The following DAPK1 variants were observed in gnomAD, a reference collection of about 807,000 sequenced individuals.
The protein encoded by DAPK1 is death associated protein kinase 1, also known as death-associated protein kinase 1.
DAPK1 carries 56 observed loss-of-function variants against 144.9 expected under a neutral mutation model. The ratio of observed to expected loss-of-function variants is 0.39; its 90% confidence interval spans 0.31 to 0.48. DAPK1 has a LOEUF of 0.48. Ranked by LOEUF, DAPK1 falls within the 20% of genes least tolerant of loss-of-function variation. DAPK1 has a pLI of 0.95. For synonymous variants in DAPK1, 690 were observed against 749.0 expected (o/e 0.92, Z 1.29); for missense variants, 1,454 against 1,875.4 (o/e 0.78, Z 4.15).
intron 2 of DAPK1, among the ~76,000 whole-genome samples, chr9:87,549,719 A>G (rs767767288): frequency 1.9e-4 from 29 of 152,190 alleles, no homozygotes; most frequent in African/African-American, 6.5e-4. Flanking sequence ...AGCCTCAGCA[A>G]TGCACTTGTA....
intron 2 of DAPK1, among the ~76,000 whole-genome samples, chr9:87,549,453 T>C (rs1234365277): frequency 1.3e-5 from 2 of 152,208 alleles, no homozygotes; most frequent in African/African-American, 4.8e-5. Flanking sequence ...GGTTATATAG[T>C]AATGAGATTG....
At chr9:87,547,463 G>A (rs1826291860) in intron 2 of DAPK1, among the ~76,000 whole-genome samples, 1 of 152,164 alleles carries the variant, frequency 6.6e-6, no homozygotes, top group Non-Finnish European at 1.5e-5. Context: ...GTAAGACTGA[G>A]GAACTGCATT....
At chr9:87,670,245 T>A (rs1831210298) in intron 19 of DAPK1, among the ~76,000 whole-genome samples, 1 of 151,244 alleles carries the variant, frequency 6.6e-6, no homozygotes, top group Admixed American at 6.6e-5. Flanking sequence ...TTTCATAGAG[T>A]TTCCTAAGTT....
At chr9:87,679,506 G>A (rs1164163173) in intron 19 of DAPK1, among the ~76,000 whole-genome samples, 3 of 152,134 alleles carry the variant, frequency 2.0e-5, no homozygotes, top group African/African-American at 7.2e-5. Flanking sequence ...GCCACATCAC[G>A]TAAACCTTGA....
intron 1 of DAPK1, chr9:87,498,662 G>A (rs1564110703): frequency 5.3e-6 from 2 of 376,418 alleles, no homozygotes; most frequent in Non-Finnish European, 9.5e-6. Flanking sequence ...GGGCATGTGT[G>A]CAGAGAAAGG....
At chr9:87,599,021 C>G (rs1416636604) in intron 2 of DAPK1, among the ~76,000 whole-genome samples, 3 of 152,188 alleles carry the variant, frequency 2.0e-5, no homozygotes, top group African/African-American at 7.2e-5. Context: ...ACAGATTTAA[C>G]CACAAACCCC....
In DAPK1 at chr9:87,605,036, A is replaced by T. The variant is rs1435981779; in HGVS notation, c.145A>T (p.Thr49Ser). 1.2e-6 allele frequency: 2 copies of T among 1,614,112 alleles called. No homozygotes were observed. Among genetic ancestry groups the T allele is most frequent in the Non-Finnish European group, 8.5e-7 (1 of 1,180,044 alleles). ...CGCCAAATTCATCAAGAAAAGGAGG[A>T]CTAAGTCCAGCCGGCGGGGTGTGAG... ...YAAKFIKKRR[T>S]KSSRRGVSRE... Residue 49 changes from threonine (T) to serine (S), a missense_variant, in exon 3 of 26, where the codon ACT (threonine) becomes TCT (serine). Physicochemically the swap from Thr to Ser is moderately conservative, Grantham distance 58 (BLOSUM62 1). Coordinates refer to ENST00000408954, the MANE Select transcript of DAPK1 (RefSeq NM_004938.4).
At chr9:87,498,260 T>C (rs1587658047) in intron 1 of DAPK1, among the ~76,000 whole-genome samples, 153 bp downstream of exon 1, 1 of 152,278 alleles carries the variant, frequency 6.6e-6, no homozygotes, top group Non-Finnish European at 1.5e-5. Flanking sequence ...AGAAGTGCGA[T>C]CGCAGCCGGG....
At chr9:87,625,159 G>T (rs1288731418) in intron 3 of DAPK1, among the ~76,000 whole-genome samples, 18 of 152,236 alleles carry the variant, frequency 1.2e-4, no homozygotes, top group Admixed American at 1.2e-3. Flanking sequence ...GAAACAGTTT[G>T]TTAATCGCTG....
intron 2 of DAPK1, among the ~76,000 whole-genome samples, chr9:87,539,473 A>C (rs989773532): frequency 1.1e-4 from 14 of 132,316 alleles, no homozygotes; most frequent in Non-Finnish European, 1.1e-4. Context: ...TCTGTCACCC[A>C]GGCTGGAGTA....
intron 3 of DAPK1, among the ~76,000 whole-genome samples, chr9:87,636,615 G>A (rs963151373): frequency 4.6e-5 from 7 of 152,268 alleles, no homozygotes; most frequent in Admixed American, 1.3e-4. Context: ...AGGCATGTGG[G>A]ATCTGAAACT....
intron 2 of DAPK1, among the ~76,000 whole-genome samples, chr9:87,533,664 T>TCTACC (rs5899002): frequency 1.3e-4 from 20 of 151,768 alleles, no homozygotes; most frequent in Admixed American, 8.5e-4. Context: ...CTTTTCCTGC[T>TCTACC]CTGCCCTGCC....
intron 2 of DAPK1, among the ~76,000 whole-genome samples, chr9:87,509,208 T>A (rs1824734918): frequency 6.6e-6 from 1 of 152,198 alleles, no homozygotes; most frequent in Non-Finnish European, 1.5e-5. Context: ...TGGGTGCTGC[T>A]CATGTTGGAG....
chr9:87,617,404 T>C (rs1180017959), intron 3 of DAPK1, among the ~76,000 whole-genome samples: 2 of 152,172 alleles, frequency 1.3e-5, no homozygotes, highest in East Asian at 3.9e-4. Flanking sequence ...TTCTACCCCT[T>C]GGGTGCCACA....
intron 3 of DAPK1, among the ~76,000 whole-genome samples, chr9:87,618,089 C>T (rs1400270944): frequency 6.6e-6 from 1 of 152,210 alleles, no homozygotes; most frequent in Non-Finnish European, 1.5e-5. Context: ...ACAGCATCCT[C>T]TAGTTTCTCT....
intron 19 of DAPK1, among the ~76,000 whole-genome samples, chr9:87,680,655 G>GCA (rs925379713): frequency 2.3e-4 from 34 of 150,968 alleles, no homozygotes; most frequent in South Asian, 1.3e-3. Context: ...ACACACACGC[G>GCA]CACACACACA....
At chr9:87,633,395 A>G in intron 3 of DAPK1, 3 of 985,220 alleles carry the variant, frequency 3.0e-6, no homozygotes, top group Non-Finnish European at 3.6e-6. Flanking sequence ...CCTTCTGGGC[A>G]TCAGTTGATA....
intron 2 of DAPK1, among the ~76,000 whole-genome samples, chr9:87,602,821 A>C (rs1323743277): frequency 6.6e-6 from 1 of 152,034 alleles, no homozygotes; most frequent in Non-Finnish European, 1.5e-5. Context: ...TTTAGTAGAG[A>C]CGGGGTTTCA....
intron 17 of DAPK1, among the ~76,000 whole-genome samples, chr9:87,654,321 C>A (rs1830559572): frequency 1.3e-5 from 2 of 152,102 alleles, no homozygotes; most frequent in South Asian, 4.1e-4. Flanking sequence ...AGTCCAAGCA[C>A]AATTAATTTT....
Sources: allele counts gnomAD v4.1 joint callset (sites outside exome capture counted in the v4.1 genomes callset), GRCh38; gene constraint gnomAD v4.1.1; transcripts MANE v1.5; gene names NCBI Gene and HGNC (gene_info 2026-07-23, HGNC 2026-07-21).